The following SPMIP3 variants were observed in gnomAD, a reference collection of about 807,000 sequenced individuals.
SPMIP3 encodes protein SPMIP3.
the SPMIP3 span, among the ~76,000 whole-genome samples, chr1:244,373,592 T>A: frequency 6.6e-6 from 1 of 151,538 alleles, no homozygotes; most frequent in African/African-American, 2.4e-5. Flanking sequence ...ACCCCCTTTT[T>A]AATAATAGAT....
At chr1:244,357,576 G>C in the SPMIP3 span, among the ~76,000 whole-genome samples, 11 of 151,994 alleles carry the variant, frequency 7.2e-5, no homozygotes, top group Admixed American at 7.2e-4. Context: ...GAGCGTGGTA[G>C]AGCACGCCTG....
the SPMIP3 span, among the ~76,000 whole-genome samples, chr1:244,368,745 A>G: frequency 1.3e-5 from 2 of 152,242 alleles, no homozygotes; most frequent in South Asian, 2.1e-4. Context: ...CATGTATCCA[A>G]TTCATCCTTA....
chr1:244,358,827 A>T, the SPMIP3 span, among the ~76,000 whole-genome samples: 6 of 152,296 alleles, frequency 3.9e-5, no homozygotes, highest in Middle Eastern at 3.4e-3. Context: ...GGGCACAGAC[A>T]GCACTTTTGT....
chr1:244,386,378 A>G, the SPMIP3 span, among the ~76,000 whole-genome samples: 5,136 of 152,294 alleles, frequency 0.034, 301 homozygotes, highest in African/African-American at 0.12. Context: ...TTGTCTGATG[A>G]TAAGGAAATC....
At chr1:244,365,789 A>C in the SPMIP3 span, among the ~76,000 whole-genome samples, 1 of 152,152 alleles carries the variant, frequency 6.6e-6, no homozygotes, top group African/African-American at 2.4e-5. Flanking sequence ...GCTTGGGAAG[A>C]GCTTTAGTGA....
chr1:244,375,425 T>C, the SPMIP3 span: 2 of 1,614,088 alleles, frequency 1.2e-6, no homozygotes, highest in Non-Finnish European at 1.7e-6. Context: ...CCTGGGCAGC[T>C]GGCAAGACTC....
At chr1:244,373,332 T>TTTTATA in the SPMIP3 span, among the ~76,000 whole-genome samples, 508 of 85,192 alleles carry the variant, frequency 6.0e-3, 76 homozygotes, top group African/African-American at 0.02. Context: ...CAAAAAAAAA[T>TTTTATA]TATATATATA....
the SPMIP3 span, among the ~76,000 whole-genome samples, chr1:244,367,339 TTGTC>T: frequency 3.3e-5 from 5 of 152,090 alleles, no homozygotes; most frequent in Non-Finnish European, 5.9e-5. Flanking sequence ...TGAGAACAGA[TTGTC>T]TGAGGACAAG....
At chr1:244,358,689 G>C in the SPMIP3 span, among the ~76,000 whole-genome samples, 145 of 151,906 alleles carry the variant, frequency 9.5e-4, 1 homozygote, top group African/African-American at 3.4e-3. Context: ...TTTATGTGTA[G>C]AATTCATGGA....
At chr1:244,357,772 T>C in the SPMIP3 span, among the ~76,000 whole-genome samples, 1 of 148,658 alleles carries the variant, frequency 6.7e-6, no homozygotes, top group Non-Finnish European at 1.5e-5. Context: ...TATTGTTCAA[T>C]GAGAAACAAC....
At chr1:244,383,258 T>A in the SPMIP3 span, among the ~76,000 whole-genome samples, 34 of 152,240 alleles carry the variant, frequency 2.2e-4, no homozygotes, top group East Asian at 6.6e-3. Context: ...ATGCCTGTAA[T>A]CCCAGCACTT....
the SPMIP3 span, among the ~76,000 whole-genome samples, chr1:244,362,845 T>C: frequency 7.5e-6 from 1 of 133,130 alleles, no homozygotes; most frequent in African/African-American, 3.4e-5. Context: ...CCTGTGAACT[T>C]TTTTTTTTTT....
the SPMIP3 span, among the ~76,000 whole-genome samples, chr1:244,372,573 A>G: frequency 1.3e-5 from 2 of 151,722 alleles, no homozygotes; most frequent in African/African-American, 2.4e-5. Flanking sequence ...CCTCCCAAAT[A>G]GCTGGGACTA....
the SPMIP3 span, among the ~76,000 whole-genome samples, chr1:244,376,723 C>T: frequency 0.026 from 4,013 of 152,276 alleles, 189 homozygotes; most frequent in African/African-American, 0.091. Flanking sequence ...CAATTCAATT[C>T]AATGCATAAT....
chr1:244,375,552 ACTC>A, the SPMIP3 span: 2 of 973,576 alleles, frequency 2.1e-6, no homozygotes, highest in African/African-American at 1.6e-5. Flanking sequence ...AAGATACACT[ACTC>A]CTCATAATAC....
At chr1:244,365,821 C>A in the SPMIP3 span, among the ~76,000 whole-genome samples, 1 of 152,274 alleles carries the variant, frequency 6.6e-6, no homozygotes, top group African/African-American at 2.4e-5. Context: ...AATCCAAGCC[C>A]ACATTTTGGA....
chr1:244,375,485 T>TC, the SPMIP3 span: 1 of 1,593,516 alleles, frequency 6.3e-7, no homozygotes, highest in Non-Finnish European at 8.6e-7. Flanking sequence ...ACCTCCTCAA[T>TC]CCCAATGTCC....
At chr1:244,367,468 C>T in the SPMIP3 span, among the ~76,000 whole-genome samples, 1 of 152,116 alleles carries the variant, frequency 6.6e-6, no homozygotes, top group Non-Finnish European at 1.5e-5. Context: ...AATGCACGGA[C>T]TTGCTGATTG....
At chr1:244,360,544 ACACACACACACACATGCATG>A in the SPMIP3 span, among the ~76,000 whole-genome samples, 9 of 62,294 alleles carry the variant, frequency 1.4e-4, no homozygotes, top group East Asian at 2.0e-3. Context: ...ACACACACAC[ACACACACACACACATGCATG>A]CATGGAATAT....
Sources: allele counts gnomAD v4.1 joint callset (sites outside exome capture counted in the v4.1 genomes callset), GRCh38; gene constraint gnomAD v4.1.1; transcripts MANE v1.5; gene names NCBI Gene and HGNC (gene_info 2026-07-23, HGNC 2026-07-21).